Variants in THAP2 observed in about 807,000 individuals in gnomAD.
THAP2 encodes the protein THAP domain-containing protein 2.
A neutral mutation model predicts 18.8 loss-of-function variants in THAP2; 16 were observed. That is an observed-to-expected ratio of 0.85 (90% CI 0.58 to 1.29). The LOEUF (loss-of-function observed/expected upper bound fraction) is 1.29. Among genes scored for constraint, THAP2 ranks in the 50% most tolerant of loss-of-function variants. The pLI is 0.00. For synonymous variants in THAP2, 80 were observed against 89.2 expected, an observed-to-expected ratio of 0.90 and a Z score of 0.58; for missense variants, 251 against 265.3, an observed-to-expected ratio of 0.95 and a Z score of 0.38.
intron 1 of THAP2, 73 bp from the exon 2 acceptor site, chr12:71,674,130 A>G: frequency 7.1e-7 from 1 of 1,410,276 alleles, no homozygotes; most frequent in Non-Finnish European, 9.4e-7. Flanking sequence ...CATCTTCGAA[A>G]TTTCTTTTAA....
In THAP2 at chr12:71,678,882, A is replaced by G. The variant is rs978259947; in HGVS notation, c.*1774A>G. ...AAATCTTGCTAGTTATTTTATCTTT[A>G]TCTTAAGTATTAGATGTAGTTCCTT... On this transcript the variant is annotated 3_prime_UTR_variant, in exon 3 of 3. Transcript: ENST00000308086. 4 of 152,128 alleles carry G rather than the reference A, an allele frequency of 2.6e-5. No homozygotes were observed. The highest frequency in any genetic ancestry group is 9.7e-5 in the African/African-American group (4 of 41,450). The allele number at this position is 152,128 out of a possible 1,614,324, so 9.4% of individuals were successfully genotyped here.
At position 71,678,367 on chromosome 12, in the gene THAP2, T is replaced by C. The variant is rs1881552478; in HGVS notation, c.*1259T>C. On this transcript the variant is annotated 3_prime_UTR_variant, in exon 3 of 3. Transcript: ENST00000308086. ...ATTAAATGTTCCCTATAGAAATATGTGTATGTCTGTGATAGTGGTATGCAA... is the reference window on the plus strand; with the variant it reads ...ATTAAATGTTCCCTATAGAAATATGCGTATGTCTGTGATAGTGGTATGCAA... The C allele has an allele frequency of 6.6e-6, 1 of 152,586 alleles. No homozygotes were observed. 9.5% of individuals were successfully genotyped at this position (152,586 alleles called of 1,614,324 possible).
chr12:71,664,664 G>T, intron 1 of THAP2, 84 bp downstream of exon 1: 1 of 1,496,756 alleles, frequency 6.7e-7, no homozygotes, highest in South Asian at 1.1e-5. Flanking sequence ...GGAGGATTCT[G>T]CTAATTCTAA....
rs543818745 is a variant in THAP2, at chr12:71,664,474, A to G, written c.-36A>G. 2 of 1,613,374 alleles carry G rather than the reference A, an allele frequency of 1.2e-6. No homozygotes were observed. The highest frequency in any genetic ancestry group is 1.7e-5 in the Admixed American group (1 of 60,028). On this transcript the variant is annotated 5_prime_UTR_variant, in exon 1 of 3. Coordinates refer to ENST00000308086, the MANE Select transcript of THAP2 (RefSeq NM_031435.4). ...AAAGCTTAGCAGCCAGCGCCTCAGT[A>G]GAGACCTAAGGGCGCTGAATGAGTG...
At chr12:71,674,058 T>A in intron 1 of THAP2, 145 bp from the exon 2 acceptor site, 1 of 730,844 alleles carries the variant, frequency 1.4e-6, no homozygotes, top group South Asian at 3.1e-5. Context: ...AATTGGTTTC[T>A]GTTCCAGTGT....
intron 1 of THAP2, among the ~76,000 whole-genome samples, chr12:71,673,115 A>G (rs1458701805): frequency 6.6e-6 from 1 of 152,154 alleles, no homozygotes; most frequent in Non-Finnish European, 1.5e-5. Flanking sequence ...GGACTGAATG[A>G]TGCCATGTAT....
intron 1 of THAP2, among the ~76,000 whole-genome samples, chr12:71,669,146 G>A (rs1172595558): frequency 6.6e-6 from 1 of 152,320 alleles, no homozygotes; most frequent in East Asian, 1.9e-4. Context: ...TAGATACTAT[G>A]CTAGACCCAG....
Position 71,674,306 on chromosome 12 carries a change from G to C in THAP2, c.175G>C (p.Ala59Pro). ...HTFLCSKHFE[A>P]SCFDLTGQTR... ...TTTTCTTTGTTCAAAGCACTTTGAA[G>C]CCTCCTGTTTTGACCTAACAGGACA... Residue 59 changes from alanine (A) to proline (P), a missense_variant, in exon 2 of 3, where the codon GCC becomes CCC. Physicochemically the swap from Ala to Pro is conservative, Grantham distance 27. Transcript: ENST00000308086. 1 of 1,613,358 alleles carries C rather than the reference G, an allele frequency of 6.2e-7. No individual in the cohort carries two copies. Among genetic ancestry groups the C allele is most frequent in the Non-Finnish European group, 8.5e-7 (1 of 1,179,584 alleles).
At chr12:71,671,438 G>A (rs1193656116) in intron 1 of THAP2, among the ~76,000 whole-genome samples, 1 of 152,158 alleles carries the variant, frequency 6.6e-6, no homozygotes, top group African/African-American at 2.4e-5. Flanking sequence ...CTCTGGTGTG[G>A]TGTCTTAAAT....
At chr12:71,665,962 AT>A (rs1565838306) in intron 1 of THAP2, among the ~76,000 whole-genome samples, 1 of 152,198 alleles carries the variant, frequency 6.6e-6, no homozygotes, top group East Asian at 1.9e-4. Flanking sequence ...TCTTGCTACA[AT>A]GTCAACTAAA....
At chr12:71,666,385 T>C (rs1021414859) in intron 1 of THAP2, among the ~76,000 whole-genome samples, 1 of 152,068 alleles carries the variant, frequency 6.6e-6, no homozygotes, top group Non-Finnish European at 1.5e-5. Context: ...TGGTGACGCA[T>C]GCCTGTAGTC....
At chr12:71,667,581 G>T (rs1389610586) in intron 1 of THAP2, 1 of 152,236 alleles carries the variant, frequency 6.6e-6, no homozygotes, top group East Asian at 1.9e-4. Context: ...AAACTTGGAA[G>T]TCTTCCTCCC....
In THAP2 at chr12:71,678,491, AC is replaced by A. The variant is rs1457338207; in HGVS notation, c.*1386del. The stretch of plus-strand genomic sequence containing the variant: ...TTTATTTCACTAATGTTTAATAGGA[AC>A]CCTTTGCTTCAAACAGCTTTGTTGA... On this transcript the variant is annotated 3_prime_UTR_variant, in exon 3 of 3. Transcript: ENST00000308086. 6.6e-6 allele frequency: 1 copy of A among 152,558 alleles called. No individual in the cohort carries two copies. Among genetic ancestry groups the A allele is most frequent in the African/African-American group, 2.4e-5 (1 of 41,438 alleles). 9.5% of individuals were successfully genotyped at this position (152,558 alleles called of 1,614,324 possible).
Position 71,677,136 on chromosome 12 carries a change from AT to A in THAP2, c.*29del. 1 of 1,503,092 alleles carries A rather than the reference AT, an allele frequency of 6.7e-7. No homozygotes were observed. Among genetic ancestry groups the A allele is most frequent in the East Asian group, 2.3e-5 (1 of 43,426 alleles). The allele number at this position is 1,503,092 out of a possible 1,614,324, so 93.1% of individuals were successfully genotyped here. A position where few individuals can be genotyped will look rare whatever the true frequency, so the allele number is the denominator to read the frequency against. On this transcript the variant is annotated 3_prime_UTR_variant, in exon 3 of 3. Transcript: ENST00000308086. ...TTAGCTTGCACAGAGCTTGATGCCT[AT>A]CCTTCATTCTTTTCAGAAGTAAAGA...
chr12:71,667,182 T>A (rs1419004638), intron 1 of THAP2, among the ~76,000 whole-genome samples: 1 of 152,226 alleles, frequency 6.6e-6, no homozygotes, highest in Non-Finnish European at 1.5e-5. Context: ...TCTCTCTACA[T>A]TCATTTTTCA....
At position 71,677,811 on chromosome 12, in the gene THAP2, A is replaced by T. The variant is rs1274918959; in HGVS notation, c.*703A>T. 1.3e-5 allele frequency: 2 copies of T among 152,172 alleles called. No homozygotes were observed. The highest frequency in any genetic ancestry group is 2.9e-5 in the Non-Finnish European group (2 of 68,018). 9.4% of individuals were successfully genotyped at this position (152,172 alleles called of 1,614,324 possible). On this transcript the variant is annotated 3_prime_UTR_variant, in exon 3 of 3. Coordinates refer to ENST00000308086, the MANE Select transcript of THAP2 (RefSeq NM_031435.4). ...TATTCACCTAAGTAAGTGTTGTAAA[A>T]TAATTCAGAGTTCAGGACCTAGCTT...
rs781620115 is a variant in THAP2 at position 71,665,399 on chromosome 12, T to C, written c.71+819T>C. ...ATCCTTGACCTTTTTCCCTACCTAT[T>C]ACGAACTGTACTTTTATTAAAAGCT... On this transcript the variant is annotated intron_variant, in intron 1 of 2. Transcript: ENST00000308086. The C allele has an allele frequency of 7.7e-5, 12 of 156,768 alleles. No homozygotes were observed. The South Asian group carries it at 2.1e-3, about 28-fold the overall frequency. The allele number at this position is 156,768 out of a possible 1,614,324, so 9.7% of individuals were successfully genotyped here.
intron 2 of THAP2, among the ~76,000 whole-genome samples, chr12:71,674,688 C>T (rs1340931850): frequency 1.3e-5 from 2 of 152,002 alleles, no homozygotes; most frequent in African/African-American, 4.8e-5. Flanking sequence ...ATGAAACCTC[C>T]AGCATCACTG....
chr12:71,674,544 GA>G (rs1881493495), intron 2 of THAP2, 146 bp downstream of exon 2: 2 of 610,528 alleles, frequency 3.3e-6, no homozygotes, highest in Admixed American at 7.4e-5. Flanking sequence ...GTACAGGCTA[GA>G]ATCAGAGTTT....
Sources: gnomAD v4.1 joint callset for allele counts (sites outside exome capture counted in the v4.1 genomes callset) on GRCh38, gnomAD v4.1.1 for gene constraint, MANE v1.5 for transcripts, NCBI Gene and HGNC (gene_info 2026-07-23, HGNC 2026-07-21) for gene names.